PARD3: variants seen among roughly 807,000 people sequenced by gnomAD.
The protein encoded by PARD3 is par-3 family cell polarity regulator.
In PARD3, 75 loss-of-function variants were observed where a neutral mutation model predicts 155.4. The observed-to-expected ratio is 0.48, with a 90% CI of 0.40 to 0.58. PARD3 has a LOEUF of 0.58. PARD3 is among the 20% of genes least tolerant of loss of function. The probability of loss-of-function intolerance (pLI) is 0.00; values close to 1 mark genes in which losing one functional copy is unlikely to be tolerated. For synonymous variants in PARD3, 576 were observed against 610.5 expected, an observed-to-expected ratio of 0.94 and a Z score of 0.83; for missense variants, 1,642 against 1,721.7, an observed-to-expected ratio of 0.95 and a Z score of 0.82.
intron 2 of PARD3, among the ~76,000 whole-genome samples, chr10:34,546,910 C>G (rs2084122116): frequency 6.6e-6 from 1 of 152,138 alleles, no homozygotes; most frequent in Non-Finnish European, 1.5e-5. Flanking sequence ...TTATTACTGT[C>G]AGAACACAAA....
At chr10:34,190,602 C>A (rs1950661683) in intron 22 of PARD3, among the ~76,000 whole-genome samples, 1 of 152,126 alleles carries the variant, frequency 6.6e-6, no homozygotes, top group East Asian at 1.9e-4. Context: ...CTGCCGTAGT[C>A]TTATCTCTGG....
At chr10:34,574,502 G>C (rs767379443) in intron 2 of PARD3, among the ~76,000 whole-genome samples, 54 of 152,150 alleles carry the variant, frequency 3.5e-4, no homozygotes, top group Non-Finnish European at 6.3e-4. Context: ...AGGAATCAAA[G>C]ACATATGCAA....
chr10:34,470,141 T>C lies in PARD3; in HGVS notation c.526A>G (p.Thr176Ala). Residue 176 changes from threonine (T) to alanine (A), a missense_variant, in exon 4 of 25, where the codon ACA (threonine) becomes GCA (alanine). Around this residue, in one of 3 missense-constraint regions of PARD3, gnomAD observed 1,529 missense variants for 1,587.3 expected, o/e 0.96. Transcript: ENST00000374788. ...SRKNPTRWST[T>A]AGFLKQNTAG... ...GTGTTCTGCTTGAGGAAGCCAGCTG[T>C]TGTTGACCAGCGTGTGGGATTTTTC... The C allele has an allele frequency of 1.2e-6, 2 of 1,613,510 alleles. No homozygotes were observed. Among genetic ancestry groups the C allele is most frequent in the Non-Finnish European group, 1.7e-6 (2 of 1,179,766 alleles).
At chr10:34,666,816 T>TATATATACACAC (rs765552982) in intron 2 of PARD3, among the ~76,000 whole-genome samples, 1 of 88,766 alleles carries the variant, frequency 1.1e-5, no homozygotes, top group African/African-American at 4.7e-5. Context: ...TATATATATA[T>TATATATACACAC]ACACACACAC....
chr10:34,618,642 C>T (rs2091427526), intron 2 of PARD3, among the ~76,000 whole-genome samples: 2 of 152,182 alleles, frequency 1.3e-5, no homozygotes, highest in African/African-American at 4.8e-5. Flanking sequence ...AGATGAGCCA[C>T]TTTCAAAACT....
intron 4 of PARD3, among the ~76,000 whole-genome samples, chr10:34,469,323 C>A (rs1004922739): frequency 1.3e-5 from 2 of 152,114 alleles, no homozygotes; most frequent in South Asian, 2.1e-4. Flanking sequence ...GTTGGCCAGG[C>A]GGGCCTTGAC....
At chr10:34,702,472 A>G (rs985013056) in intron 1 of PARD3, among the ~76,000 whole-genome samples, 1 of 152,226 alleles carries the variant, frequency 6.6e-6, no homozygotes, top group South Asian at 2.1e-4. Flanking sequence ...GCTTCCAGAG[A>G]GCACAGTGAC....
chr10:34,621,702 G>T (rs2091689330), intron 2 of PARD3, among the ~76,000 whole-genome samples: 1 of 152,190 alleles, frequency 6.6e-6, no homozygotes, highest in African/African-American at 2.4e-5. Flanking sequence ...CATGGATATT[G>T]TTATTGTTCT....
chr10:34,356,861 C>A (rs1471530877), intron 14 of PARD3, among the ~76,000 whole-genome samples: 1 of 152,188 alleles, frequency 6.6e-6, no homozygotes, highest in African/African-American at 2.4e-5. Flanking sequence ...AAAGATAGCA[C>A]AGCACTCATA....
intron 5 of PARD3, among the ~76,000 whole-genome samples, chr10:34,405,635 G>A (rs1844384903): frequency 6.6e-6 from 1 of 152,186 alleles, no homozygotes; most frequent in South Asian, 2.1e-4. Context: ...AAAAAAGTAG[G>A]AGGGGTCTAG....
chr10:34,717,683 A>G (rs1056610340), intron 1 of PARD3, among the ~76,000 whole-genome samples: 2 of 151,966 alleles, frequency 1.3e-5, no homozygotes, highest in African/African-American at 4.8e-5. Context: ...GCTACTACTG[A>G]CTGGACACAT....
rs1299706515 is a variant in PARD3 at position 34,320,887 on chromosome 10, G to A, written c.2834-3549C>T. Among the ~76,000 whole-genome samples the A allele has an allele frequency of 2.6e-5, 4 of 152,244 alleles. No homozygotes were observed. In the South Asian group the frequency reaches 8.3e-4, roughly 32 times the overall value. ...ACAGAAACTCTTCTGGGGGTGTACT[G>A]ATTTAACTAATCCCTTTGAATGCCA... On this transcript the variant is annotated intron_variant, in intron 19 of 24. Coordinates refer to ENST00000374788, the MANE Select transcript of PARD3 (RefSeq NM_001184785.2).
chr10:34,498,111 A>G (rs939512748), intron 3 of PARD3, among the ~76,000 whole-genome samples: 2 of 152,196 alleles, frequency 1.3e-5, no homozygotes, highest in Non-Finnish European at 2.9e-5. Context: ...ATAAGATTGT[A>G]GGTAAGTAGG....
chr10:34,222,509 C>T (rs1199501743), intron 22 of PARD3, among the ~76,000 whole-genome samples: 1 of 152,234 alleles, frequency 6.6e-6, no homozygotes, highest in African/African-American at 2.4e-5. Context: ...TGTGAAAACA[C>T]AAACAGCAGC....
chr10:34,305,418 C>T (rs1957355086), intron 20 of PARD3, among the ~76,000 whole-genome samples: 1 of 152,226 alleles, frequency 6.6e-6, no homozygotes, highest in East Asian at 1.9e-4. Flanking sequence ...CTTCCACCTG[C>T]TCATTTGCTC....
chr10:34,408,626 T>C (rs1266230269), intron 5 of PARD3, among the ~76,000 whole-genome samples: 16 of 152,200 alleles, frequency 1.1e-4, no homozygotes, highest in Non-Finnish European at 1.5e-5. Flanking sequence ...CAGGAAAAAG[T>C]AATTTCCCAT....
chr10:34,794,663 C>T (rs1043378748), intron 1 of PARD3, among the ~76,000 whole-genome samples: 4 of 152,170 alleles, frequency 2.6e-5, no homozygotes, highest in Non-Finnish European at 4.4e-5. Context: ...GCCACATAAA[C>T]CTAAGATGTT....
chr10:34,760,499 T>G (rs1459141456), intron 1 of PARD3, among the ~76,000 whole-genome samples: 2 of 152,130 alleles, frequency 1.3e-5, no homozygotes, highest in Admixed American at 6.6e-5. Flanking sequence ...GCCCGGCTAA[T>G]TTTTGTATCT....
At chr10:34,164,824 T>C (rs752866385) in intron 22 of PARD3, among the ~76,000 whole-genome samples, 1 of 148,056 alleles carries the variant, frequency 6.8e-6, no homozygotes, top group Non-Finnish European at 1.5e-5. Context: ...ATACAATTAT[T>C]TCCATAGTCA....
Sources: gnomAD v4.1 joint callset for allele counts (sites outside exome capture counted in the v4.1 genomes callset) on GRCh38, gnomAD v4.1.1 for gene constraint, gnomAD v4.1.1 regional missense constraint, MANE v1.5 for transcripts, NCBI Gene and HGNC (gene_info 2026-07-23, HGNC 2026-07-21) for gene names.